LEKR1: variants seen among roughly 807,000 people sequenced by gnomAD.
LEKR1 encodes the protein protein LEKR1.
Under a neutral mutation model 72.4 loss-of-function variants are expected in LEKR1, and 59 were observed. The ratio of observed to expected loss-of-function variants is 0.82; its 90% confidence interval spans 0.66 to 1.01. The LOEUF (loss-of-function observed/expected upper bound fraction) is 1.01. Ranked by LOEUF, LEKR1 falls within the 50% of genes least tolerant of loss-of-function variation. The pLI is 0.00. For synonymous variants in LEKR1, 257 were observed against 263.2 expected (o/e 0.98, Z 0.23); for missense variants, 728 against 759.2 (o/e 0.96, Z 0.48).
At chr3:156,922,458 C>T (rs1172560953) in intron 4 of LEKR1, among the ~76,000 whole-genome samples, 3 of 150,870 alleles carry the variant, frequency 2.0e-5, no homozygotes, top group Admixed American at 2.0e-4. Flanking sequence ...GAGCTTTTTA[C>T]TCAGATATAA....
chr3:156,944,988 C>G (rs1465786320), intron 6 of LEKR1, among the ~76,000 whole-genome samples: 2 of 151,620 alleles, frequency 1.3e-5, no homozygotes, highest in Non-Finnish European at 3.0e-5. Context: ...TTTGAGGAAC[C>G]TCCAAAGTGT....
chr3:156,997,845 T>C (rs954952638), intron 9 of LEKR1, among the ~76,000 whole-genome samples: 1 of 152,258 alleles, frequency 6.6e-6, no homozygotes, highest in Non-Finnish European at 1.5e-5. Flanking sequence ...AAATAGTTCA[T>C]TGATTAGTAC....
chr3:156,943,505 A>C (rs1368839149), intron 6 of LEKR1, among the ~76,000 whole-genome samples: 2 of 151,994 alleles, frequency 1.3e-5, no homozygotes, highest in East Asian at 1.9e-4. Flanking sequence ...CAAGGCCCAC[A>C]AAGTATCATG....
intron 6 of LEKR1, among the ~76,000 whole-genome samples, chr3:156,972,276 G>T (rs1039977145): frequency 2.0e-5 from 3 of 151,706 alleles, no homozygotes; most frequent in Non-Finnish European, 2.9e-5. Context: ...TCACTTATAG[G>T]TGGGAATTGA....
chr3:157,023,860 A>T (rs1734010559), intron 10 of LEKR1, among the ~76,000 whole-genome samples: 2 of 152,236 alleles, frequency 1.3e-5, no homozygotes, highest in Non-Finnish European at 2.9e-5. Flanking sequence ...GTATGGATAC[A>T]GATGCTCTTC....
intron 3 of LEKR1, among the ~76,000 whole-genome samples, chr3:156,900,412 C>T (rs1291950322): frequency 6.6e-6 from 1 of 152,102 alleles, no homozygotes; most frequent in Non-Finnish European, 1.5e-5. Flanking sequence ...GCTCTAAGTT[C>T]TTTTTATCAC....
At chr3:156,991,563 A>G (rs1297450576) in intron 7 of LEKR1, among the ~76,000 whole-genome samples, 1 of 152,096 alleles carries the variant, frequency 6.6e-6, no homozygotes, top group Non-Finnish European at 1.5e-5. Context: ...AATACATTTA[A>G]ATTGGATATT....
chr3:157,009,041 A>T (rs1216789355), intron 9 of LEKR1, among the ~76,000 whole-genome samples: 1 of 152,128 alleles, frequency 6.6e-6, no homozygotes, highest in African/African-American at 2.4e-5. Context: ...AAATACATTT[A>T]ATAAATGTTA....
intron 9 of LEKR1, among the ~76,000 whole-genome samples, chr3:157,006,896 A>G (rs1473211785): frequency 6.6e-6 from 1 of 152,140 alleles, no homozygotes; most frequent in Non-Finnish European, 1.5e-5. Flanking sequence ...GGAGAGGGGC[A>G]GGAGTGATGG....
At chr3:156,938,936 A>T (rs1006593621) in intron 5 of LEKR1, among the ~76,000 whole-genome samples, 3 of 152,218 alleles carry the variant, frequency 2.0e-5, no homozygotes, top group African/African-American at 7.2e-5. Flanking sequence ...AAAGAAATTG[A>T]TTGCGTAAGC....
intron 6 of LEKR1, among the ~76,000 whole-genome samples, chr3:156,950,670 G>C (rs1727077477): frequency 6.6e-6 from 1 of 151,218 alleles, no homozygotes; most frequent in Admixed American, 6.6e-5. Context: ...CTTTTGGCTT[G>C]GCTGTTGTTG....
At chr3:156,887,500 G>C (rs954415513) in intron 3 of LEKR1, among the ~76,000 whole-genome samples, 2 of 152,084 alleles carry the variant, frequency 1.3e-5, no homozygotes, top group Admixed American at 1.3e-4. Context: ...ATTATGAACT[G>C]TTATGTAGAT....
intron 7 of LEKR1, among the ~76,000 whole-genome samples, chr3:156,991,319 A>G (rs1388693202): frequency 6.6e-6 from 1 of 152,026 alleles, no homozygotes; most frequent in African/African-American, 2.4e-5. Flanking sequence ...TCATTATATT[A>G]TATAATTGTT....
At chr3:156,957,292 A>G (rs952978810) in intron 6 of LEKR1, among the ~76,000 whole-genome samples, 1 of 152,090 alleles carries the variant, frequency 6.6e-6, no homozygotes, top group Non-Finnish European at 1.5e-5. Context: ...GTGTAAAAAG[A>G]ATCCACAAAA....
intron 5 of LEKR1, among the ~76,000 whole-genome samples, chr3:156,935,235 G>C (rs1339355601): frequency 6.6e-6 from 1 of 152,204 alleles, no homozygotes; most frequent in East Asian, 1.9e-4. Context: ...GGTGATGACA[G>C]AAGCTCAAAG....
chr3:157,018,921 T>A (rs1027924272), intron 10 of LEKR1, among the ~76,000 whole-genome samples: 2 of 152,216 alleles, frequency 1.3e-5, no homozygotes, highest in Non-Finnish European at 2.9e-5. Context: ...CTTGACAGGA[T>A]TTGACCTGCA....
At chr3:156,932,726 G>GGA (rs1725348379) in intron 5 of LEKR1, among the ~76,000 whole-genome samples, 1 of 129,864 alleles carries the variant, frequency 7.7e-6, no homozygotes, top group African/African-American at 2.7e-5. Flanking sequence ...AAAAAAAAGG[G>GGA]TATCTATGTT....
At chr3:156,908,140 G>C (rs939410695) in intron 3 of LEKR1, among the ~76,000 whole-genome samples, 1 of 152,114 alleles carries the variant, frequency 6.6e-6, no homozygotes, top group Non-Finnish European at 1.5e-5. Context: ...CTTATTACTG[G>C]TGAAGTTAAC....
At chr3:157,019,203 A>G (rs918071521) in intron 10 of LEKR1, among the ~76,000 whole-genome samples, 2 of 152,206 alleles carry the variant, frequency 1.3e-5, no homozygotes, top group Admixed American at 1.3e-4. Flanking sequence ...TTTTAAAGGT[A>G]TCATTGAGTA....
Sources: allele counts gnomAD v4.1 joint callset (sites outside exome capture counted in the v4.1 genomes callset), GRCh38; gene constraint gnomAD v4.1.1; transcripts MANE v1.5; gene names NCBI Gene and HGNC (gene_info 2026-07-23, HGNC 2026-07-21).